The following EDN3 variants were observed in gnomAD, a reference collection of about 807,000 sequenced individuals.
The protein encoded by EDN3 is endothelin 3.
EDN3 carries 9 observed loss-of-function variants against 21.4 expected under a neutral mutation model. The observed-to-expected ratio is 0.42, with a 90% confidence interval of 0.25 to 0.73. The LOEUF is 0.73. EDN3 is among the 30% of genes least tolerant of loss of function. The pLI, the probability that EDN3 is intolerant of heterozygous loss-of-function variation, is 0.26. For missense variants in EDN3, 327 were observed against 309.4 expected (o/e 1.06, Z -0.43); for synonymous variants, 133 against 126.2 (o/e 1.05, Z -0.36).
At chr20:59,304,730 G>T (rs981998299) in intron 2 of EDN3, among the ~76,000 whole-genome samples, 2 of 152,072 alleles carry the variant, frequency 1.3e-5, no homozygotes, top group Non-Finnish European at 2.9e-5. Flanking sequence ...TCTAGTTCAG[G>T]CTCAAGAGAC....
chr20:59,310,200 C>T (rs193024388), intron 2 of EDN3, among the ~76,000 whole-genome samples: 65 of 152,290 alleles, frequency 4.3e-4, no homozygotes, highest in Non-Finnish European at 7.1e-4. Flanking sequence ...ACCCTGTCTA[C>T]GGCACCACCC....
chr20:59,322,087 A>G lies in EDN3; in HGVS notation c.543-285A>G, dbSNP rs1223876526. Reference sequence around the variant, plus strand: ...AACAAGGCAGACGGTAGCGCTCAGGACCCCAGGATCTGCCGTCTGTGAAAC... The same window carrying G: ...AACAAGGCAGACGGTAGCGCTCAGGGCCCCAGGATCTGCCGTCTGTGAAAC... On this transcript the variant is annotated intron_variant, in intron 3 of 4. Coordinates refer to ENST00000337938, the MANE Select transcript of EDN3 (RefSeq NM_207034.3). The surrounding 1 kb of genome is among the most constrained non-coding windows in gnomAD (Gnocchi z 4.1). Among the ~76,000 whole-genome samples, 1 of 151,940 alleles carries G rather than the reference A, an allele frequency of 6.6e-6. No homozygotes were observed. Among genetic ancestry groups the G allele is most frequent in the Non-Finnish European group, 1.5e-5 (1 of 67,986 alleles).
intron 2 of EDN3, among the ~76,000 whole-genome samples, chr20:59,313,784 C>A (rs1989993304): frequency 6.6e-6 from 1 of 152,282 alleles, no homozygotes; most frequent in Middle Eastern, 3.4e-3. Flanking sequence ...GAAGCATAAG[C>A]TTTGTATAAT....
chr20:59,310,179 T>C (rs1330792807), intron 2 of EDN3, among the ~76,000 whole-genome samples: 1 of 152,096 alleles, frequency 6.6e-6, no homozygotes, highest in African/African-American at 2.4e-5. Flanking sequence ...GAGGGGGAGC[T>C]GTAAAGGGTG....
chr20:59,321,793 G>A (rs1990565005), intron 3 of EDN3, among the ~76,000 whole-genome samples: 3 of 152,202 alleles, frequency 2.0e-5, no homozygotes, highest in Non-Finnish European at 4.4e-5. Flanking sequence ...CCTGTGGTCT[G>A]TCCTGGCTGC....
At chr20:59,323,704 G>T in intron 4 of EDN3, 1 of 400,916 alleles carries the variant, frequency 2.5e-6, no homozygotes, top group Non-Finnish European at 4.4e-6. Flanking sequence ...ATAGGGATGA[G>T]TGAGGGAAAG....
intron 2 of EDN3, among the ~76,000 whole-genome samples, chr20:59,314,540 C>T (rs147281628): frequency 9.9e-5 from 15 of 151,700 alleles, no homozygotes; most frequent in East Asian, 3.9e-4. Flanking sequence ...CAAGGAGGGG[C>T]GGGGCTGCTT....
intron 2 of EDN3, among the ~76,000 whole-genome samples, chr20:59,307,653 G>A (rs11570284): frequency 6.6e-6 from 1 of 152,158 alleles, no homozygotes; most frequent in Non-Finnish European, 1.5e-5. Context: ...AAAAGACATG[G>A]TTCCCCATCC....
At position 59,305,756 on chromosome 20, in the gene EDN3, C is replaced by A. The variant is rs79321098; in HGVS notation, c.365+4034C>A. Among the ~76,000 whole-genome samples the A allele has an allele frequency of 3.9e-5, 6 of 152,154 alleles. No homozygotes were observed. The highest frequency in any genetic ancestry group is 1.3e-4 in the Admixed American group (2 of 15,282). On this transcript the variant is annotated intron_variant, in intron 2 of 4. Coordinates refer to ENST00000337938, the MANE Select transcript of EDN3 (RefSeq NM_207034.3). The surrounding 1 kb of genome is among the most constrained non-coding windows in gnomAD (Gnocchi z 4.2). ...TCTGGAAGCAGAATTCTTTTCTGTT[C>A]GGGAACCTGTCTTTTCTGTGAAGGC...
At chr20:59,306,595 T>TAAAAAAAAAAAAAAAAAAACA (rs1989435960) in intron 2 of EDN3, among the ~76,000 whole-genome samples, 1 of 62,454 alleles carries the variant, frequency 1.6e-5, no homozygotes, top group Non-Finnish European at 2.9e-5. Flanking sequence ...GCATAAAGAG[T>TAAAAAAAAAAAAAAAAAAACA]AAAAAAAAAA....
rs1393444514 is a variant in EDN3 at position 59,305,508 on chromosome 20, C to G, written c.365+3786C>G. 6.6e-6 allele frequency among the ~76,000 whole-genome samples: 1 copy of G among 152,152 alleles called. No individual in the cohort carries two copies. The highest frequency in any genetic ancestry group is 1.5e-5 in the Non-Finnish European group (1 of 68,048). On this transcript the variant is annotated intron_variant, in intron 2 of 4. Coordinates refer to ENST00000337938, the MANE Select transcript of EDN3 (RefSeq NM_207034.3). This position sits in a 1 kb window ranked among gnomAD's most constrained non-coding sequence, Gnocchi z 4.2. ...GCATGTCTGCAGATTATGCATATATCAGAAGTGCGGTTGCCAAAGGAAATA... is the reference window on the plus strand; with the variant it reads ...GCATGTCTGCAGATTATGCATATATGAGAAGTGCGGTTGCCAAAGGAAATA...
At chr20:59,308,492 G>A (rs1441948123) in intron 2 of EDN3, among the ~76,000 whole-genome samples, 1 of 152,206 alleles carries the variant, frequency 6.6e-6, no homozygotes, top group Non-Finnish European at 1.5e-5. Context: ...TCCCTTTGTA[G>A]GGGTTAAGAG....
At position 59,300,764 on chromosome 20, in the gene EDN3, A is replaced by G; in HGVS notation, c.-49A>G. ...CCGGCCCCAGTGCCCTTTCGCGGCC[A>G]CAAGCGGCCGTCCTCCTGGTCCGGT... On this transcript the variant is annotated 5_prime_UTR_variant, in exon 1 of 5. Coordinates refer to ENST00000337938, the MANE Select transcript of EDN3 (RefSeq NM_207034.3). 3 of 1,587,298 alleles carry G rather than the reference A, an allele frequency of 1.9e-6. No homozygotes were observed. The highest frequency in any genetic ancestry group is 2.6e-6 in the Non-Finnish European group (3 of 1,168,164).
chr20:59,311,671 C>A (rs933549450), intron 2 of EDN3, among the ~76,000 whole-genome samples: 3 of 141,114 alleles, frequency 2.1e-5, no homozygotes, highest in African/African-American at 8.3e-5. Context: ...TTTTTTTTTT[C>A]CACGTCCTGT....
chr20:59,305,738 G>A lies in EDN3; in HGVS notation c.365+4016G>A, dbSNP rs1199405111. On this transcript the variant is annotated intron_variant, in intron 2 of 4. Coordinates refer to ENST00000337938, the MANE Select transcript of EDN3 (RefSeq NM_207034.3). The surrounding 1 kb of genome is among the most constrained non-coding windows in gnomAD (Gnocchi z 4.2). ...GAGTTGATGTCAAGGAGGTCTGGAA[G>A]CAGAATTCTTTTCTGTTCGGGAACC... Among the ~76,000 whole-genome samples the A allele has an allele frequency of 1.3e-5, 2 of 152,220 alleles. No homozygotes were observed. The highest frequency in any genetic ancestry group is 2.9e-5 in the Non-Finnish European group (2 of 68,036).
rs145239588 is a variant in EDN3 at position 59,321,112 on chromosome 20, G to A, written c.461G>A (p.Arg154Gln). The part of the protein sequence containing the change: ...PLPGNLQLSH[R>Q]PHLRCACVGR... ...CCAGGGAATCTGCAGCTCTCACATC[G>A]GCCACACTTGCGCTGCGCTTGTGTG... Residue 154 changes from arginine (R) to glutamine (Q), a missense_variant, in exon 3 of 5, where the codon CGG becomes CAG. Arg to Gln is a conservative substitution (Grantham distance 43, BLOSUM62 1). Coordinates refer to ENST00000337938, the MANE Select transcript of EDN3 (RefSeq NM_207034.3). 5.5e-5 allele frequency: 88 copies of A among 1,614,222 alleles called. No homozygotes were observed. In the African/African-American group the frequency reaches 9.2e-4, roughly 17 times the overall value.
intron 4 of EDN3, chr20:59,323,847 C>A: frequency 2.1e-6 from 1 of 481,988 alleles, no homozygotes; most frequent in Non-Finnish European, 3.6e-6. Context: ...TTCTATGTCA[C>A]ATGTTCAAAA....
chr20:59,315,635 C>G (rs1466009032), intron 2 of EDN3, among the ~76,000 whole-genome samples: 2 of 152,162 alleles, frequency 1.3e-5, no homozygotes, highest in Non-Finnish European at 2.9e-5. Context: ...TCTGACCTAT[C>G]TGCCTTCGCT....
intron 2 of EDN3, among the ~76,000 whole-genome samples, chr20:59,316,293 G>A (rs552406010): frequency 6.6e-6 from 1 of 152,322 alleles, no homozygotes; most frequent in South Asian, 2.1e-4. Context: ...GCAGGGCCCC[G>A]CCCCTTGTCT....
Sources: allele counts gnomAD v4.1 joint callset (sites outside exome capture counted in the v4.1 genomes callset), GRCh38; gene constraint gnomAD v4.1.1; non-coding constraint Gnocchi (gnomAD v3.1); transcripts MANE v1.5; gene names NCBI Gene and HGNC (gene_info 2026-07-23, HGNC 2026-07-21).